The following SLC16A5 variants were observed in gnomAD, a reference collection of about 807,000 sequenced individuals.
SLC16A5 encodes solute carrier family 16 member 5.
Under a neutral mutation model 33.2 loss-of-function variants are expected in SLC16A5, and 29 were observed. That is an observed-to-expected ratio of 0.87 (90% CI 0.65 to 1.19). SLC16A5 has a LOEUF of 1.19. Among genes scored for constraint, SLC16A5 ranks in the 50% most tolerant of loss-of-function variants. The pLI is 0.00. For missense variants in SLC16A5, 606 were observed against 678.2 expected (o/e 0.89, Z 1.18); for synonymous variants, 248 against 284.1 (o/e 0.87, Z 1.28).
intron 2 of SLC16A5, among the ~76,000 whole-genome samples, chr17:75,092,800 T>G (rs1418897254): frequency 6.7e-6 from 1 of 148,512 alleles, no homozygotes; most frequent in Non-Finnish European, 1.5e-5. Flanking sequence ...ACTGGGTATG[T>G]GTCTGTGTCT....
In SLC16A5 at chr17:75,088,379, G is replaced by A. The variant is rs367795582; in HGVS notation, c.-203+335G>A. Among the ~76,000 whole-genome samples the A allele has an allele frequency of 1.1e-4, 17 of 152,328 alleles. 1 individual carries two copies. In the South Asian group the frequency reaches 3.3e-3, roughly 30 times the overall value. On this transcript the variant is annotated intron_variant, in intron 1 of 6. Transcript: ENST00000329783. ...ACCAGATTCCGGGGCAGCACTGCGG[G>A]GATGGGCAGGGCGAGAGTACGGCAT... is the stretch of plus-strand genomic sequence containing the variant.
chr17:75,098,377 A>G (rs1280135415), intron 4 of SLC16A5, among the ~76,000 whole-genome samples, 196 bp downstream of exon 4: 10 of 152,032 alleles, frequency 6.6e-5, no homozygotes, highest in Non-Finnish European at 1.5e-5. Flanking sequence ...AGCCCGGCCA[A>G]CATGGTGAAA....
downstream of SLC16A5, among the ~76,000 whole-genome samples, chr17:75,107,276 G>C (rs1272906922): frequency 6.6e-6 from 1 of 151,954 alleles, no homozygotes; most frequent in Non-Finnish European, 1.5e-5. Flanking sequence ...CTCCAGCCTG[G>C]GTGACAGAGA....
chr17:75,109,259 C>T (rs2073887502), downstream of SLC16A5, among the ~76,000 whole-genome samples: 1 of 152,196 alleles, frequency 6.6e-6, no homozygotes, highest in South Asian at 2.1e-4. The surrounding 1 kb of genome is among the most constrained non-coding windows in gnomAD (Gnocchi z 5.0). Context: ...GCGCCATCCA[C>T]CCGGCTGACA....
rs1457040354 is a variant in SLC16A5 at position 75,091,366 on chromosome 17, T to G, written c.-49+2062T>G. On this transcript the variant is annotated intron_variant, in intron 2 of 6. Transcript: ENST00000329783. Reference sequence around the variant, plus strand: ...TGCTGGAGAAGCCCCATCTGCGATATTGCCTGGCCTGGAGCTGGGCCAGGA... The same window carrying G: ...TGCTGGAGAAGCCCCATCTGCGATAGTGCCTGGCCTGGAGCTGGGCCAGGA... Among the ~76,000 whole-genome samples the G allele has an allele frequency of 5.9e-5, 9 of 152,250 alleles. No individual in the cohort carries two copies. In the East Asian group the frequency reaches 1.7e-3, roughly 29 times the overall value.
intron 5 of SLC16A5, among the ~76,000 whole-genome samples, 187 bp from the exon 6 acceptor site, chr17:75,103,783 C>T (rs1454019675): frequency 6.6e-6 from 1 of 152,220 alleles, no homozygotes; most frequent in Non-Finnish European, 1.5e-5. Flanking sequence ...TCTTCCTGCC[C>T]AGGCCAGAGG....
intron 2 of SLC16A5, among the ~76,000 whole-genome samples, chr17:75,091,059 G>T (rs2073631217): frequency 6.6e-6 from 1 of 152,246 alleles, no homozygotes; most frequent in Admixed American, 6.5e-5. Flanking sequence ...CTGGGGTCCA[G>T]CCTCCAGGCC....
chr17:75,107,316 G>A (rs527951554), downstream of SLC16A5, among the ~76,000 whole-genome samples: 48 of 151,718 alleles, frequency 3.2e-4, 1 homozygote, highest in East Asian at 8.5e-3. Context: ...AAAAAAAAAA[G>A]GTATCAATGA....
intron 2 of SLC16A5, among the ~76,000 whole-genome samples, chr17:75,092,753 T>C (rs925922383): frequency 1.3e-5 from 2 of 151,944 alleles, no homozygotes; most frequent in African/African-American, 4.8e-5. Context: ...TCTGTGCTTG[T>C]CTGTGTGAGT....
rs2073829689 is a variant in SLC16A5, at chr17:75,103,892, T to A, written c.1154-78T>A. ...TAGTACAGCAGAGACAAAAATAAAA[T>A]ACCTGCTGTCAGGGAACACACAGCT... On this transcript the variant is annotated intron_variant, in intron 5 of 6. Coordinates refer to ENST00000329783, the MANE Select transcript of SLC16A5 (RefSeq NM_004695.4). 3 of 1,273,826 alleles carry A rather than the reference T, an allele frequency of 2.4e-6. No individual in the cohort carries two copies. In the East Asian group the frequency reaches 7.0e-5, roughly 30 times the overall value. The allele number at this position is 1,273,826 out of a possible 1,614,324, so 78.9% of individuals were successfully genotyped here.
At position 75,100,378 on chromosome 17, in the gene SLC16A5, T is replaced by C; in HGVS notation, c.715T>C (p.Cys239Arg). 1.2e-6 allele frequency: 2 copies of C among 1,614,222 alleles called. No homozygotes were observed. The highest frequency in any genetic ancestry group is 1.1e-5 in the South Asian group (1 of 91,090). Residue 239 changes from cysteine to arginine, a missense_variant, in exon 5 of 7, where the codon TGC becomes CGC. By Grantham distance (180) the Cys-to-Arg change is radical. Coordinates refer to ENST00000329783, the MANE Select transcript of SLC16A5 (RefSeq NM_004695.4). ...FDILRHNTGY[C>R]VYILGVMWSV... ...CATCCTGCGGCACAACACAGGCTAC[T>C]GCGTGTACATACTGGGTGTGATGTG...
intron 2 of SLC16A5, chr17:75,090,290 G>A (rs78338126): frequency 0.017 from 2,658 of 152,178 alleles, 34 homozygotes; most frequent in Non-Finnish European, 0.03. Flanking sequence ...GAAACCGCTC[G>A]ATGGGAGGGG....
At position 75,093,881 on chromosome 17, in the gene SLC16A5, G is replaced by A. The variant is rs200985347; in HGVS notation, c.199+46G>A. The stretch of plus-strand genomic sequence containing the variant: ...CCGATGAGAAAGTCCTAGGGGTTGC[G>A]GGGAAGCCACAACCTCCCTGGCCTT... On this transcript the variant is annotated intron_variant, in intron 3 of 6. Transcript: ENST00000329783. The A allele has an allele frequency of 6.8e-5, 108 of 1,581,658 alleles. No homozygotes were observed. The African/African-American group carries it at 7.3e-4, about 11-fold the overall frequency.
downstream of SLC16A5, among the ~76,000 whole-genome samples, chr17:75,109,503 G>A (rs2073889768): frequency 6.6e-6 from 1 of 152,184 alleles, no homozygotes. The surrounding 1 kb of genome is among the most constrained non-coding windows in gnomAD (Gnocchi z 5.0). Flanking sequence ...CTGCCTCGAC[G>A]TCCTCCAACA....
At chr17:75,094,453 G>A (rs1598147781) in intron 3 of SLC16A5, among the ~76,000 whole-genome samples, 1 of 152,182 alleles carries the variant, frequency 6.6e-6, no homozygotes, top group African/African-American at 2.4e-5. Flanking sequence ...TTGGGAGGCC[G>A]AGGCGGTCAG....
chr17:75,092,736 G>C (rs1237739239), intron 2 of SLC16A5, among the ~76,000 whole-genome samples: 2 of 151,902 alleles, frequency 1.3e-5, no homozygotes, highest in Non-Finnish European at 1.5e-5. Context: ...GCGTGTGTCT[G>C]TATGTTTCTG....
At chr17:75,099,476 GCACAATCTCAGCTCACTGCAACCTC>G (rs1399846716) in intron 4 of SLC16A5, among the ~76,000 whole-genome samples, 1 of 152,120 alleles carries the variant, frequency 6.6e-6, no homozygotes, top group Non-Finnish European at 1.5e-5. Flanking sequence ...GAGTGCAGTG[GCACAATCTCAGCTCACTGCAACCTC>G]CACAACCTCA....
intron 2 of SLC16A5, among the ~76,000 whole-genome samples, chr17:75,092,028 G>GTGTGT (rs1555644931): frequency 0.043 from 6,446 of 149,648 alleles, 432 homozygotes; most frequent in African/African-American, 0.15. Context: ...ATGTGAGGGG[G>GTGTGT]GTGTGTGTGT....
downstream of SLC16A5, among the ~76,000 whole-genome samples, chr17:75,109,448 G>A (rs1404932518): frequency 6.6e-6 from 1 of 152,206 alleles, no homozygotes; most frequent in African/African-American, 2.4e-5. The surrounding 1 kb of genome is among the most constrained non-coding windows in gnomAD (Gnocchi z 5.0). Context: ...TGGTCAAGGA[G>A]GATGGGCCGC....
Sources: allele counts gnomAD v4.1 joint callset (sites outside exome capture counted in the v4.1 genomes callset), GRCh38; gene constraint gnomAD v4.1.1; non-coding constraint Gnocchi (gnomAD v3.1); transcripts MANE v1.5; gene names NCBI Gene and HGNC (gene_info 2026-07-23, HGNC 2026-07-21).